Variants in TEX36 observed in about 807,000 individuals in gnomAD.
The protein encoded by TEX36 is testis expressed 36.
A neutral mutation model predicts 13.6 loss-of-function variants in TEX36; 12 were observed. The ratio of observed to expected loss-of-function variants is 0.88; its 90% CI spans 0.56 to 1.43. The LOEUF (loss-of-function observed/expected upper bound fraction) is 1.43, where lower values mean the gene tolerates loss of function less well. Ranked by LOEUF, TEX36 falls within the 40% of genes most tolerant of loss-of-function variation. The probability of loss-of-function intolerance (pLI) is 0.00; values close to 1 mark genes in which losing one functional copy is unlikely to be tolerated. For synonymous variants in TEX36, 93 were observed against 83.0 expected (o/e 1.12, Z -0.65); for missense variants, 224 against 228.3 (o/e 0.98, Z 0.12).
intron 3 of TEX36, among the ~76,000 whole-genome samples, chr10:125,642,232 G>A (rs1396411283): frequency 6.6e-5 from 10 of 152,188 alleles, no homozygotes; most frequent in South Asian, 4.1e-4. Flanking sequence ...CCTACATGTC[G>A]AAGGCAAAGA....
intron 3 of TEX36, among the ~76,000 whole-genome samples, chr10:125,645,181 A>G (rs924144803): frequency 3.3e-5 from 5 of 152,236 alleles, no homozygotes; most frequent in African/African-American, 9.6e-5. Flanking sequence ...TGGTGTTGTT[A>G]TAAGCCACTA....
At chr10:125,666,206 T>C (rs1847119210) in intron 1 of TEX36, among the ~76,000 whole-genome samples, 1 of 152,222 alleles carries the variant, frequency 6.6e-6, no homozygotes. Flanking sequence ...TCTTGACTGA[T>C]TGCTCTGGCT....
At chr10:125,585,035 C>G (rs1341038974) in intron 3 of TEX36, among the ~76,000 whole-genome samples, 2 of 152,156 alleles carry the variant, frequency 1.3e-5, no homozygotes, top group Non-Finnish European at 2.9e-5. Flanking sequence ...CAAGGATTAA[C>G]CTGCTGATAC....
At chr10:125,677,992 A>G (rs1021149028) in intron 1 of TEX36, among the ~76,000 whole-genome samples, 3 of 152,198 alleles carry the variant, frequency 2.0e-5, no homozygotes, top group African/African-American at 7.2e-5. Flanking sequence ...CCTAAAATGA[A>G]TATTTTCAAT....
At chr10:125,662,000 G>C in intron 1 of TEX36, 23 bp from the exon 2 acceptor site, 1 of 1,552,300 alleles carries the variant, frequency 6.4e-7, no homozygotes, top group Non-Finnish European at 8.7e-7. Flanking sequence ...CACACGCCTT[G>C]ATTAAAACCA....
chr10:125,647,347 T>C lies in TEX36; in HGVS notation c.264+13674A>G, dbSNP rs182646797. Among the ~76,000 whole-genome samples, 304 of 152,352 alleles carry C rather than the reference T, an allele frequency of 2.0e-3. 1 individual carries two copies. Among genetic ancestry groups the C allele is most frequent in the African/African-American group, 7.1e-3 (294 of 41,588 alleles). Reference sequence around the variant, plus strand: ...TCTTAAAATATGCAGGGCTTTTATATGATGTGTACCACACCAAAGCAAGAT... The same window carrying C: ...TCTTAAAATATGCAGGGCTTTTATACGATGTGTACCACACCAAAGCAAGAT... On this transcript the variant is annotated intron_variant, in intron 3 of 3. Transcript: ENST00000526819.
intron 1 of TEX36, among the ~76,000 whole-genome samples, chr10:125,678,729 A>G (rs1190338929): frequency 6.6e-6 from 1 of 151,930 alleles, no homozygotes; most frequent in African/African-American, 2.4e-5. Flanking sequence ...GCCAGCTGAG[A>G]TGGTAGTGGC....
rs1846657817 is a variant in TEX36, at chr10:125,639,530, C to A, written c.265-17885G>T. ...AAATACATAAGGTCTTTGGGCATGT[C>A]TTACATTGTGTTCATACCAATACAC... On this transcript the variant is annotated intron_variant, in intron 3 of 3. Transcript: ENST00000526819. Among the ~76,000 whole-genome samples, 4 of 138,440 alleles carry A rather than the reference C, an allele frequency of 2.9e-5. No homozygotes were observed. The South Asian group carries it at 9.1e-4, about 31-fold the overall frequency. The allele number at this position is 138,440 out of a possible 152,430, so 90.8% of individuals were successfully genotyped here.
intron 1 of TEX36, among the ~76,000 whole-genome samples, chr10:125,668,311 T>TG (rs370526510): frequency 0.013 from 1,725 of 131,536 alleles, 31 homozygotes; most frequent in African/African-American, 0.06. Context: ...TGTTGGGAGA[T>TG]TTTTTTTTTT....
At chr10:125,587,807 A>T (rs1040523889) in intron 3 of TEX36, among the ~76,000 whole-genome samples, 118 of 151,210 alleles carry the variant, frequency 7.8e-4, no homozygotes, top group Admixed American at 2.0e-3. Flanking sequence ...AAAAAAAAAA[A>T]AGACACTTTA....
chr10:125,577,823 A>G lies in TEX36; in HGVS notation c.265-949T>C, dbSNP rs561948395. ...TTTCCTACTCAGCTCTTTGGCAGAA[A>G]AAGTTTGTAGACTGCACAAATAACT... On this transcript the variant is annotated intron_variant, in intron 3 of 3. Transcript: ENST00000532135. Among the ~76,000 whole-genome samples, 125 of 152,348 alleles carry G rather than the reference A, an allele frequency of 8.2e-4. 1 individual carries two copies. The highest frequency in any genetic ancestry group is 2.8e-3 in the African/African-American group (116 of 41,586).
At chr10:125,623,418 C>T (rs1170187882) in intron 3 of TEX36, among the ~76,000 whole-genome samples, 1 of 152,142 alleles carries the variant, frequency 6.6e-6, no homozygotes, top group Non-Finnish European at 1.5e-5. Flanking sequence ...TCTAGGCATC[C>T]TTCAATCCAA....
intron 3 of TEX36, among the ~76,000 whole-genome samples, chr10:125,577,385 C>G (rs747073255): frequency 3.9e-5 from 6 of 152,186 alleles, no homozygotes; most frequent in Admixed American, 1.3e-4. Context: ...GTAATCCCAG[C>G]TGCTCAGAAG....
chr10:125,612,792 G>A (rs1164341545), intron 3 of TEX36, among the ~76,000 whole-genome samples: 1 of 141,856 alleles, frequency 7.0e-6, no homozygotes, highest in Non-Finnish European at 1.5e-5. Context: ...CAGAACATGT[G>A]GGGATTTTAC....
chr10:125,633,960 G>T (rs1316702594), intron 3 of TEX36, among the ~76,000 whole-genome samples: 1 of 152,044 alleles, frequency 6.6e-6, no homozygotes, highest in Non-Finnish European at 1.5e-5. Context: ...CCACCCCTCT[G>T]CCTCTAGGGT....
intron 3 of TEX36, among the ~76,000 whole-genome samples, chr10:125,650,386 C>T (rs1846834097): frequency 6.6e-6 from 1 of 152,162 alleles, no homozygotes; most frequent in South Asian, 2.1e-4. Flanking sequence ...ACAACCTGCT[C>T]CTGAATGACT....
At chr10:125,626,214 C>A (rs1846488128) in intron 3 of TEX36, among the ~76,000 whole-genome samples, 1 of 152,194 alleles carries the variant, frequency 6.6e-6, no homozygotes, top group Non-Finnish European at 1.5e-5. Flanking sequence ...CCCACGAGCC[C>A]TCCCTGGTAA....
At chr10:125,655,546 A>G (rs893628665), downstream of TEX36, 5 of 409,246 alleles carry the variant, frequency 1.2e-5, no homozygotes, top group African/African-American at 8.5e-5. Context: ...GCAGATTAAA[A>G]ACAAGTAGTT....
chr10:125,668,655 A>G (rs964087911), intron 1 of TEX36, among the ~76,000 whole-genome samples: 1 of 151,656 alleles, frequency 6.6e-6, no homozygotes, highest in South Asian at 2.1e-4. Context: ...TTTCTTTTTT[A>G]AAGAATCAAC....
Sources: gnomAD v4.1 joint callset for allele counts (sites outside exome capture counted in the v4.1 genomes callset) on GRCh38, gnomAD v4.1.1 for gene constraint, MANE v1.5 for transcripts, NCBI Gene and HGNC (gene_info 2026-07-23, HGNC 2026-07-21) for gene names.